Variants in IPO5 observed in about 807,000 individuals in gnomAD.
The protein encoded by IPO5 is importin-5.
In IPO5, 18 loss-of-function variants were observed where a neutral mutation model predicts 143.3. The observed-to-expected ratio is 0.13, with a 90% CI of 0.09 to 0.19. The LOEUF is 0.19. Ranked by LOEUF, IPO5 falls within the 10% of genes least tolerant of loss-of-function variation. The pLI, the probability that IPO5 is intolerant of heterozygous loss-of-function variation, is 1.00. For synonymous variants in IPO5, 477 were observed against 465.7 expected, an observed-to-expected ratio of 1.02 and a Z score of -0.31; for missense variants, 1,013 against 1,336.9, an observed-to-expected ratio of 0.76 and a Z score of 3.78.
intron 20 of IPO5, among the ~76,000 whole-genome samples, chr13:98,011,161 AT>A: frequency 6.6e-6 from 1 of 152,164 alleles, no homozygotes; most frequent in East Asian, 1.9e-4. Flanking sequence ...AACACTTTGG[AT>A]TTTTGTGGGT....
chr13:98,019,802 A>C lies in IPO5; in HGVS notation c.3058A>C (p.Ile1020Leu). Residue 1020 changes from isoleucine to leucine, a missense_variant, in exon 27 of 29, where the codon ATT becomes CTT. Ile to Leu is a conservative substitution (Grantham distance 5). Around this residue, in one of 2 missense-constraint regions of IPO5, gnomAD observed 685 missense variants for 994.9 expected, o/e 0.69. Coordinates refer to ENST00000651721, the MANE Select transcript of IPO5 (RefSeq NM_002271.6). ...VQTFNYLCDL[I>L]ESNHPIVLGP... ...GACTTTCAATTATCTGTGTGACCTGATTGAAAGGTAGGAAAGCAGACTGTG... is the reference window on the plus strand; with the variant it reads ...GACTTTCAATTATCTGTGTGACCTGCTTGAAAGGTAGGAAAGCAGACTGTG... 6.2e-7 allele frequency: 1 copy of C among 1,605,794 alleles called. No individual in the cohort carries two copies. Among genetic ancestry groups the C allele is most frequent in the Non-Finnish European group, 8.5e-7 (1 of 1,172,614 alleles).
At chr13:97,963,615 G>A (rs551992497) in intron 2 of IPO5, among the ~76,000 whole-genome samples, 2 of 152,104 alleles carry the variant, frequency 1.3e-5, no homozygotes, top group East Asian at 3.9e-4. Context: ...TGATCTGCCC[G>A]CCTCAGCCTC....
intron 20 of IPO5, among the ~76,000 whole-genome samples, chr13:98,011,478 G>A (rs936329198): frequency 1.3e-5 from 2 of 151,202 alleles, no homozygotes; most frequent in African/African-American, 4.9e-5. Context: ...CTTTAGTAGA[G>A]ACGGGTTTTC....
chr13:97,961,742 T>C (rs866687762), intron 2 of IPO5, among the ~76,000 whole-genome samples: 4 of 152,244 alleles, frequency 2.6e-5, no homozygotes, highest in Non-Finnish European at 5.9e-5. Flanking sequence ...GAAATGTCTA[T>C]TCAAATGTTT....
At chr13:97,984,921 G>T (rs1412774687) in intron 5 of IPO5, among the ~76,000 whole-genome samples, 1 of 152,156 alleles carries the variant, frequency 6.6e-6, no homozygotes, top group African/African-American at 2.4e-5. Context: ...AGATGGATTA[G>T]CACTTTTTAG....
chr13:97,978,744 A>G (rs568051587), intron 4 of IPO5, among the ~76,000 whole-genome samples: 2 of 152,254 alleles, frequency 1.3e-5, no homozygotes, highest in Admixed American at 6.5e-5. Context: ...TTAAGTCTCT[A>G]TTGTCAAGCC....
Position 97,997,337 on chromosome 13 carries a change from C to CTTCATTATCG in IPO5, c.914-192_914-191insCATTATCGTT, listed in dbSNP as rs3215977. Reference sequence around the variant, plus strand: ...GGAGGGTTTGACTTAATGAATGTTGCTTTTTAAAGAAACGATAAAAGCAAA... The same window carrying CTTCATTATCG: ...GGAGGGTTTGACTTAATGAATGTTGCTTCATTATCGTTTTTAAAGAAACGATAAAAGCAAA... On this transcript the variant is annotated intron_variant, in intron 11 of 28. Coordinates refer to ENST00000651721, the MANE Select transcript of IPO5 (RefSeq NM_002271.6). Among the ~76,000 whole-genome samples, 172 of 152,172 alleles carry CTTCATTATCG rather than the reference C, an allele frequency of 1.1e-3. No individual in the cohort carries two copies. In the East Asian group the frequency reaches 0.031, roughly 27 times the overall value.
chr13:97,965,951 G>C (rs572837665), intron 2 of IPO5, among the ~76,000 whole-genome samples: 1 of 151,914 alleles, frequency 6.6e-6, no homozygotes, highest in Admixed American at 6.6e-5. Flanking sequence ...AAACCAGCCT[G>C]GCCAACATGG....
At chr13:97,997,901 A>G (rs1458574571) in intron 12 of IPO5, among the ~76,000 whole-genome samples, 1 of 152,166 alleles carries the variant, frequency 6.6e-6, no homozygotes, top group South Asian at 2.1e-4. Flanking sequence ...ACTGAAAGAT[A>G]CCTACAACAA....
At chr13:98,000,310 C>T (rs1246706317) in intron 12 of IPO5, among the ~76,000 whole-genome samples, 1 of 151,808 alleles carries the variant, frequency 6.6e-6, no homozygotes, top group African/African-American at 2.4e-5. Context: ...AAATAAGAAT[C>T]AGGCATGACT....
intron 2 of IPO5, chr13:97,963,282 T>C (rs941964105): frequency 2.6e-5 from 4 of 152,084 alleles, no homozygotes; most frequent in Admixed American, 6.5e-5. Context: ...TGACAACACA[T>C]GTAAGGTTTA....
At chr13:97,979,098 T>G (rs1886629773) in intron 4 of IPO5, among the ~76,000 whole-genome samples, 1 of 152,176 alleles carries the variant, frequency 6.6e-6, no homozygotes. Context: ...GCCCCTTTCT[T>G]TTTTGCCTAA....
chr13:97,985,307 A>T (rs1400066183), intron 5 of IPO5, 114 bp from the exon 6 acceptor site: 1 of 759,328 alleles, frequency 1.3e-6, no homozygotes, highest in Non-Finnish European at 2.1e-6. Context: ...AATTAGAAAG[A>T]GTTATATATT....
intron 3 of IPO5, among the ~76,000 whole-genome samples, chr13:97,973,042 T>C (rs1416568950): frequency 3.1e-5 from 4 of 128,658 alleles, no homozygotes; most frequent in East Asian, 4.1e-4. Context: ...TATCTTCTTT[T>C]TTTTTTTTTT....
chr13:98,020,286 A>G (rs1203064720), intron 27 of IPO5, among the ~76,000 whole-genome samples: 2 of 152,158 alleles, frequency 1.3e-5, no homozygotes, highest in East Asian at 1.9e-4. Context: ...CTCTGTCGCT[A>G]TTATTATTTT....
rs1888667133 is a variant in IPO5, at chr13:98,000,420, G to C, written c.1002-119G>C. 5 of 648,098 alleles carry C rather than the reference G, an allele frequency of 7.7e-6. No individual in the cohort carries two copies. In the South Asian group the frequency reaches 8.7e-5, roughly 11 times the overall value. 40.1% of individuals were successfully genotyped at this position (648,098 alleles called of 1,614,324 possible). A position where few individuals can be genotyped will look rare whatever the true frequency, so the allele number is the denominator to read the frequency against. On this transcript the variant is annotated intron_variant, in intron 12 of 28. Coordinates refer to ENST00000651721, the MANE Select transcript of IPO5 (RefSeq NM_002271.6). ...AATTTCAATTCCACATTTAAAGACA[G>C]CTTGAATTCTTTCTCAGTCTTAGTT...
At chr13:98,018,905 G>GC (rs1370420267) in intron 26 of IPO5, among the ~76,000 whole-genome samples, 3 of 151,888 alleles carry the variant, frequency 2.0e-5, no homozygotes, top group Non-Finnish European at 4.4e-5. Flanking sequence ...GACATCCCCT[G>GC]CCCCCAGCCT....
chr13:98,006,757 A>G (rs796528475), intron 17 of IPO5, among the ~76,000 whole-genome samples: 15 of 152,170 alleles, frequency 9.9e-5, no homozygotes, highest in African/African-American at 3.6e-4. Context: ...TTCCTTCTGA[A>G]AAATGGTTTT....
chr13:97,991,263 A>C (rs991202407), intron 9 of IPO5, among the ~76,000 whole-genome samples: 11 of 152,196 alleles, frequency 7.2e-5, no homozygotes, highest in African/African-American at 2.7e-4. Flanking sequence ...ATGCAAAGAA[A>C]CGTATAATAA....
Sources: allele counts gnomAD v4.1 joint callset (sites outside exome capture counted in the v4.1 genomes callset), GRCh38; gene constraint gnomAD v4.1.1; regional missense constraint gnomAD v4.1.1; transcripts MANE v1.5; gene names NCBI Gene and HGNC (gene_info 2026-07-23, HGNC 2026-07-21).